TSPAN9: variants seen among roughly 807,000 people sequenced by gnomAD.
TSPAN9 encodes the protein tetraspanin-9.
A neutral mutation model predicts 31.0 loss-of-function variants in TSPAN9; 16 were observed. The ratio of observed to expected loss-of-function variants is 0.52; its 90% CI spans 0.35 to 0.78. TSPAN9 has a LOEUF of 0.78. Ranked by LOEUF, TSPAN9 falls within the 30% of genes least tolerant of loss-of-function variation. TSPAN9 has a pLI of 0.01. For missense variants in TSPAN9, 272 were observed against 312.5 expected (o/e 0.87, Z 0.98); for synonymous variants, 145 against 121.6 (o/e 1.19, Z -1.27).
intron 2 of TSPAN9, among the ~76,000 whole-genome samples, chr12:3,115,487 A>G (rs1252566562): frequency 1.3e-5 from 2 of 152,194 alleles, no homozygotes; most frequent in African/African-American, 4.8e-5. Context: ...AGGCTGCTGT[A>G]TATCACAAAG....
chr12:3,179,872 C>T (rs748378308), intron 2 of TSPAN9, among the ~76,000 whole-genome samples: 4 of 152,208 alleles, frequency 2.6e-5, no homozygotes, highest in South Asian at 2.1e-4. Flanking sequence ...ACTGACAAGA[C>T]GTGCACCGTC....
At chr12:3,137,328 G>C (rs979351791) in intron 2 of TSPAN9, among the ~76,000 whole-genome samples, 3 of 152,186 alleles carry the variant, frequency 2.0e-5, no homozygotes, top group Admixed American at 2.0e-4. Context: ...GGCTGCCCCA[G>C]GCCTCACCAC....
intron 2 of TSPAN9, among the ~76,000 whole-genome samples, chr12:3,165,820 C>A (rs1374595792): frequency 6.6e-6 from 1 of 152,176 alleles, no homozygotes; most frequent in East Asian, 1.9e-4. Context: ...TCTGCTGCAT[C>A]ATTGGAGTTG....
In TSPAN9 at chr12:3,283,379, C is replaced by G; in HGVS notation, c.*263C>G. Reference sequence around the variant, plus strand: ...TATTTGCCAAAGACGACAGGGTGGGCTGGGGTGCGCTCCGGAGGAACCCCC... The same window carrying G: ...TATTTGCCAAAGACGACAGGGTGGGGTGGGGTGCGCTCCGGAGGAACCCCC... On this transcript the variant is annotated 3_prime_UTR_variant, in exon 9 of 9. Coordinates refer to ENST00000011898, the MANE Select transcript of TSPAN9 (RefSeq NM_006675.5). 1 of 433,940 alleles carries G rather than the reference C, an allele frequency of 2.3e-6. No individual in the cohort carries two copies. Among genetic ancestry groups the G allele is most frequent in the African/African-American group, 2.1e-5 (1 of 48,512 alleles). The allele number at this position is 433,940 out of a possible 1,614,324, so 26.9% of individuals were successfully genotyped here.
At chr12:3,269,161 C>T (rs1467634376) in intron 3 of TSPAN9, among the ~76,000 whole-genome samples, 2 of 81,172 alleles carry the variant, frequency 2.5e-5, no homozygotes, top group Non-Finnish European at 4.9e-5. Context: ...GCCCTCTGTG[C>T]GTTCCTGCAG....
intron 3 of TSPAN9, among the ~76,000 whole-genome samples, chr12:3,250,657 C>G (rs1018164530): frequency 8.5e-5 from 13 of 152,260 alleles, no homozygotes; most frequent in African/African-American, 2.9e-4. Context: ...CTGGCCAGCC[C>G]ATGCTGAGGC....
chr12:3,272,784 G>A (rs1055563910), intron 3 of TSPAN9: 2 of 152,268 alleles, frequency 1.3e-5, no homozygotes, highest in African/African-American at 2.4e-5. Flanking sequence ...AAGCCCGAAG[G>A]GGGAATTGTG....
chr12:3,095,688 T>C (rs1305772918), intron 2 of TSPAN9, among the ~76,000 whole-genome samples: 1 of 146,332 alleles, frequency 6.8e-6, no homozygotes, highest in African/African-American at 2.5e-5. Flanking sequence ...GGCTCCTCAC[T>C]TCCCAGATGG....
intron 3 of TSPAN9, among the ~76,000 whole-genome samples, chr12:3,241,780 G>A (rs1281859005): frequency 3.3e-5 from 5 of 152,176 alleles, no homozygotes; most frequent in East Asian, 1.9e-4. Context: ...TGGGCACAGC[G>A]AGCCTGGGCT....
chr12:3,102,529 C>A (rs1237041368), intron 2 of TSPAN9, among the ~76,000 whole-genome samples: 3 of 151,592 alleles, frequency 2.0e-5, no homozygotes, highest in Admixed American at 2.0e-4. Flanking sequence ...CCGCCTCCCA[C>A]CAGGTTCATG....
At position 3,110,187 on chromosome 12, in the gene TSPAN9, G is replaced by C. The variant is rs192557534; in HGVS notation, c.-18+26468G>C. ...CTTAGTCTGTGGACTGAGGAAACCA[G>C]GCCCAGGGAAGATAGGGTGTTAGGT... On this transcript the variant is annotated intron_variant, in intron 2 of 8. Coordinates refer to ENST00000011898, the MANE Select transcript of TSPAN9 (RefSeq NM_006675.5). Among the ~76,000 whole-genome samples the C allele has an allele frequency of 2.0e-5, 3 of 152,230 alleles. No homozygotes were observed. The East Asian group carries it at 5.8e-4, about 29-fold the overall frequency.
At chr12:3,177,605 G>C (rs182214779) in intron 2 of TSPAN9, among the ~76,000 whole-genome samples, 1 of 152,146 alleles carries the variant, frequency 6.6e-6, no homozygotes, top group African/African-American at 2.4e-5. Context: ...GCTAGTTTTT[G>C]TATTTTTAGT....
chr12:3,154,911 C>T (rs542022217), intron 2 of TSPAN9, among the ~76,000 whole-genome samples: 3 of 152,108 alleles, frequency 2.0e-5, no homozygotes, highest in Admixed American at 6.5e-5. Flanking sequence ...CCTTTTCTAG[C>T]GACTTCTCCA....
chr12:3,219,191 T>G (rs1212619461), intron 3 of TSPAN9, among the ~76,000 whole-genome samples: 1 of 152,244 alleles, frequency 6.6e-6, no homozygotes, highest in African/African-American at 2.4e-5. Flanking sequence ...TGTCAGTCAC[T>G]GTTGCCTGTG....
At chr12:3,234,393 C>A (rs2098392267) in intron 3 of TSPAN9, among the ~76,000 whole-genome samples, 1 of 152,152 alleles carries the variant, frequency 6.6e-6, no homozygotes, top group Non-Finnish European at 1.5e-5. Context: ...GAGGGCAGGG[C>A]CTTTGTTTCT....
intron 2 of TSPAN9, among the ~76,000 whole-genome samples, chr12:3,099,054 A>G (rs2098310574): frequency 6.6e-6 from 1 of 152,016 alleles, no homozygotes; most frequent in Non-Finnish European, 1.5e-5. Context: ...TGCCTGGCCT[A>G]TTTTATCTCT....
intron 1 of TSPAN9, among the ~76,000 whole-genome samples, chr12:3,079,796 A>G (rs1028319601): frequency 1.4e-5 from 2 of 139,632 alleles, no homozygotes; most frequent in Non-Finnish European, 3.1e-5. Context: ...TTTTAGAGAC[A>G]GGGTCTTGCT....
At chr12:3,226,997 G>C (rs1463203373) in intron 3 of TSPAN9, among the ~76,000 whole-genome samples, 3 of 150,274 alleles carry the variant, frequency 2.0e-5, no homozygotes, top group Non-Finnish European at 3.0e-5. Context: ...CCATTGGTTA[G>C]TGAGATACTG....
At chr12:3,099,893 G>T (rs2098311011) in intron 2 of TSPAN9, among the ~76,000 whole-genome samples, 4 of 148,090 alleles carry the variant, frequency 2.7e-5, no homozygotes, top group African/African-American at 1.0e-4. Context: ...CCAGGCTGGA[G>T]TGCAGTGGCA....
Sources: gnomAD v4.1 joint callset for allele counts (sites outside exome capture counted in the v4.1 genomes callset) on GRCh38, gnomAD v4.1.1 for gene constraint, MANE v1.5 for transcripts, NCBI Gene and HGNC (gene_info 2026-07-23, HGNC 2026-07-21) for gene names.